PC: variants seen among roughly 807,000 people sequenced by gnomAD.
PC encodes pyruvate carboxylase, mitochondrial.
A neutral mutation model predicts 107.8 loss-of-function variants in PC; 46 were observed. That is an observed-to-expected ratio of 0.43 (90% CI 0.34 to 0.55). The LOEUF (loss-of-function observed/expected upper bound fraction) is 0.55. Ranked by LOEUF, PC falls within the 20% of genes least tolerant of loss-of-function variation. The probability of loss-of-function intolerance (pLI) is 0.04; values close to 1 mark genes in which losing one functional copy is unlikely to be tolerated. For synonymous variants in PC, 662 were observed against 684.7 expected (o/e 0.97, Z 0.52); for missense variants, 1,241 against 1,643.1 (o/e 0.76, Z 4.23).
chr11:66,924,837 C>T (rs4930395), intron 3 of PC, among the ~76,000 whole-genome samples: 44,478 of 151,964 alleles, frequency 0.29, 6,803 homozygotes, highest in Middle Eastern at 0.36. Flanking sequence ...GGGGAGGTAT[C>T]GGGGGAAACA....
In PC at chr11:66,851,830, C is replaced by A. The variant is rs761975389; in HGVS notation, c.1942G>T (p.Ala648Ser). The change falls in exon 16 of 23, where the codon GCT becomes TCT. Residue 648 changes from alanine (A) to serine (S), a missense_variant. Ala to Ser is a moderately conservative substitution (Grantham distance 99). Coordinates refer to ENST00000393960, the MANE Select transcript of PC (RefSeq NM_001040716.2). Reference sequence around the variant, plus strand: ...TCTGGGTAGTTGGTGTAGCCCACAGCATTGGCCCCCCGCAGCAGCATCTGG... The same window carrying A: ...TCTGGGTAGTTGGTGTAGCCCACAGAATTGGCCCCCCGCAGCAGCATCTGG... ...PFQMLLRGAN[A>S]VGYTNYPDNV... The A allele has an allele frequency of 3.7e-6, 6 of 1,614,172 alleles. No individual in the cohort carries two copies. Among genetic ancestry groups the A allele is most frequent in the Non-Finnish European group, 4.2e-6 (5 of 1,180,032 alleles).
chr11:66,957,586 A>C (rs1200245106), intron 1 of PC, among the ~76,000 whole-genome samples: 1 of 152,230 alleles, frequency 6.6e-6, no homozygotes, highest in Admixed American at 6.5e-5. Context: ...ACTGCACTCC[A>C]GCCTGGGTGG....
intron 3 of PC, among the ~76,000 whole-genome samples, chr11:66,884,391 A>G (rs1175289507): frequency 6.6e-6 from 1 of 152,164 alleles, no homozygotes; most frequent in East Asian, 1.9e-4. Flanking sequence ...CAGCCTGGGC[A>G]ACAGAGCAAG....
At chr11:66,942,026 C>T (rs1297033083) in intron 3 of PC, among the ~76,000 whole-genome samples, 2 of 150,810 alleles carry the variant, frequency 1.3e-5, no homozygotes, top group African/African-American at 2.4e-5. Context: ...CGCTTGAACT[C>T]GGGAGGCAGA....
In PC at chr11:66,851,855, G is replaced by A. The variant is rs1945514930; in HGVS notation, c.1917C>T (p.Phe639=). 3 of 1,614,158 alleles carry A rather than the reference G, an allele frequency of 1.9e-6. No homozygotes were observed. The highest frequency in any genetic ancestry group is 2.5e-6 in the Non-Finnish European group (3 of 1,180,030). The change falls in exon 16 of 23, where the codon TTC becomes TTT. Residue 639 remains phenylalanine (F), a synonymous_variant. Coordinates refer to ENST00000393960, the MANE Select transcript of PC (RefSeq NM_001040716.2). ...CATTGGCCCCCCGCAGCAGCATCTG[G>A]AAAGGGATGTTGGGGATGAGCTCCC... ...ELRELIPNIP[F]QMLLRGANAV... is the part of the protein sequence containing the mutation.
chr11:66,873,540 T>TATA lies in PC; in HGVS notation c.1-1384_1-1382dup, dbSNP rs1436275910. On this transcript the variant is annotated intron_variant, in intron 3 of 22. Coordinates refer to ENST00000393960, the MANE Select transcript of PC (RefSeq NM_001040716.2). ...ATATTATATATTATAATATATATTA[T>TATA]ATATAATATTATAATATTATATAAT... Among the ~76,000 whole-genome samples, 6 of 102,602 alleles carry TATA rather than the reference T, an allele frequency of 5.8e-5. No individual in the cohort carries two copies. The South Asian group carries it at 1.2e-3, about 20-fold the overall frequency. 67.3% of individuals were successfully genotyped at this position (102,602 alleles called of 152,430 possible). A position where few individuals can be genotyped will look rare whatever the true frequency, so the allele number is the denominator to read the frequency against.
chr11:66,863,019 G>A (rs570359130), intron 12 of PC, among the ~76,000 whole-genome samples: 1 of 152,182 alleles, frequency 6.6e-6, no homozygotes, highest in African/African-American at 2.4e-5. Context: ...TGCCTGGTGG[G>A]GGGGGATCCA....
chr11:66,887,525 TAATA>T (rs1316131545), intron 3 of PC, among the ~76,000 whole-genome samples: 4 of 152,230 alleles, frequency 2.6e-5, no homozygotes, highest in East Asian at 1.9e-4. Context: ...TTTTTAAACA[TAATA>T]AATAGAGAAT....
intron 2 of PC, among the ~76,000 whole-genome samples, chr11:66,953,172 T>G (rs1949479625): frequency 6.6e-6 from 1 of 152,188 alleles, no homozygotes; most frequent in Non-Finnish European, 1.5e-5. Context: ...CAAGAAGTTC[T>G]AGAAACAGTT....
chr11:66,936,689 G>A (rs1949010666), intron 3 of PC, among the ~76,000 whole-genome samples: 1 of 152,104 alleles, frequency 6.6e-6, no homozygotes, highest in Non-Finnish European at 1.5e-5. Flanking sequence ...AGAACAGCTG[G>A]CCAAGGAAAT....
intron 12 of PC, chr11:66,859,177 C>T (rs1301249368): frequency 1.4e-6 from 2 of 1,418,148 alleles, no homozygotes; most frequent in Non-Finnish European, 1.9e-6. Flanking sequence ...GCTTCCACCC[C>T]TCCTCTCTCT....
At chr11:66,958,026 G>C (rs1169000952) in intron 1 of PC, 1 of 151,958 alleles carries the variant, frequency 6.6e-6, no homozygotes, top group Non-Finnish European at 1.5e-5. Context: ...GCAAGAATGA[G>C]GCAGCCCGCA....
At chr11:66,927,451 G>A (rs1948743679) in intron 3 of PC, among the ~76,000 whole-genome samples, 1 of 151,876 alleles carries the variant, frequency 6.6e-6, no homozygotes, top group African/African-American at 2.4e-5. Flanking sequence ...GCTGGGCGCA[G>A]TGGCTCATGC....
chr11:66,888,091 G>C (rs1947439067), intron 3 of PC, among the ~76,000 whole-genome samples: 1 of 152,196 alleles, frequency 6.6e-6, no homozygotes, highest in South Asian at 2.1e-4. Context: ...CACCTTTCCA[G>C]GTCAGAATCC....
rs186665519 is a variant in PC at position 66,940,256 on chromosome 11, T to G, written c.-1+12174A>C. Among the ~76,000 whole-genome samples, 13 of 150,948 alleles carry G rather than the reference T, an allele frequency of 8.6e-5. No individual in the cohort carries two copies. In the East Asian group the frequency reaches 2.4e-3, roughly 27 times the overall value. On this transcript the variant is annotated intron_variant, in intron 3 of 22. Coordinates refer to ENST00000393960, the MANE Select transcript of PC (RefSeq NM_001040716.2). ...CTCTGTTGTCCAGGCTGGAATGCAG[T>G]CGTACAATCTCGACTCACTGCAGCC... is the stretch of plus-strand genomic sequence containing the variant.
chr11:66,876,900 C>A (rs780191194), intron 3 of PC, among the ~76,000 whole-genome samples: 1 of 152,200 alleles, frequency 6.6e-6, no homozygotes, highest in East Asian at 1.9e-4. Flanking sequence ...ACAGCAAACA[C>A]AAGTGGCTCT....
chr11:66,951,272 A>G (rs1246974785), intron 3 of PC, among the ~76,000 whole-genome samples: 2 of 152,180 alleles, frequency 1.3e-5, no homozygotes, highest in East Asian at 3.8e-4. Flanking sequence ...TGAAGGGAAG[A>G]GCATTATTGT....
At chr11:66,874,688 G>A (rs1302631706) in intron 3 of PC, among the ~76,000 whole-genome samples, 5 of 152,218 alleles carry the variant, frequency 3.3e-5, no homozygotes, top group Non-Finnish European at 5.9e-5. Flanking sequence ...AGCCTTAGGA[G>A]TCGAGAACAC....
intron 3 of PC, among the ~76,000 whole-genome samples, chr11:66,882,729 G>A (rs780374053): frequency 2.6e-5 from 4 of 152,308 alleles, no homozygotes; most frequent in Non-Finnish European, 4.4e-5. Context: ...CAGAGCACTC[G>A]GGGCTGCGGC....
Sources: gnomAD v4.1 joint callset for allele counts (sites outside exome capture counted in the v4.1 genomes callset) on GRCh38, gnomAD v4.1.1 for gene constraint, MANE v1.5 for transcripts, NCBI Gene and HGNC (gene_info 2026-07-23, HGNC 2026-07-21) for gene names.